The following MAST4 variants were observed in gnomAD, a reference collection of about 807,000 sequenced individuals.
MAST4 encodes the protein microtubule-associated serine/threonine-protein kinase 4.
Under a neutral mutation model 162.7 loss-of-function variants are expected in MAST4, and 89 were observed. The observed-to-expected ratio is 0.55, with a 90% CI of 0.46 to 0.65. The LOEUF (loss-of-function observed/expected upper bound fraction) is 0.65, where lower values mean the gene tolerates loss of function less well. MAST4 is among the 30% of genes least tolerant of loss of function. The probability of loss-of-function intolerance (pLI) is 0.00; values close to 1 mark genes in which losing one functional copy is unlikely to be tolerated. For missense variants in MAST4, 3,153 were observed against 3,374.0 expected, an observed-to-expected ratio of 0.93 and a Z score of 1.62; for synonymous variants, 1,479 against 1,361.1, an observed-to-expected ratio of 1.09 and a Z score of -1.91.
At chr5:66,700,796 T>C (rs546367551) in intron 1 of MAST4, among the ~76,000 whole-genome samples, 4,229 of 116,778 alleles carry the variant, frequency 0.036, 210 homozygotes, top group African/African-American at 0.13. Flanking sequence ...TATATATATA[T>C]ATATACACAC....
At chr5:66,848,183 CAA>C (rs757796660) in intron 3 of MAST4, among the ~76,000 whole-genome samples, 38 of 152,140 alleles carry the variant, frequency 2.5e-4, no homozygotes, top group Non-Finnish European at 4.9e-4. Context: ...ATTTTGGTGT[CAA>C]AGTAAATTTA....
rs183506598 is a variant in MAST4, at chr5:67,039,620, G to A, written c.675-14784G>A. On this transcript the variant is annotated intron_variant, in intron 4 of 28. Coordinates refer to ENST00000403625, the MANE Select transcript of MAST4 (RefSeq NM_001164664.2). Reference sequence around the variant, plus strand: ...CTGGACCTGTGAGAAACAAGTGTTCGTACCTATAAGAGGCAGGCAGGAGAT... The same window carrying A: ...CTGGACCTGTGAGAAACAAGTGTTCATACCTATAAGAGGCAGGCAGGAGAT... Among the ~76,000 whole-genome samples the A allele has an allele frequency of 2.0e-4, 31 of 152,272 alleles. 1 individual carries two copies. Among genetic ancestry groups the A allele is most frequent in the African/African-American group, 6.0e-4 (25 of 41,568 alleles).
At chr5:67,080,282 A>G (rs1012153147) in intron 5 of MAST4, among the ~76,000 whole-genome samples, 1 of 152,206 alleles carries the variant, frequency 6.6e-6, no homozygotes, top group Non-Finnish European at 1.5e-5. Context: ...TGTGCCTTTT[A>G]TGTACCTACT....
chr5:66,982,747 T>G (rs1186905994), intron 4 of MAST4, among the ~76,000 whole-genome samples: 1 of 152,214 alleles, frequency 6.6e-6, no homozygotes, highest in African/African-American at 2.4e-5. Context: ...CTTTCCCTCC[T>G]GTAGGAACTG....
chr5:66,753,056 G>A (rs1201672701), intron 1 of MAST4, among the ~76,000 whole-genome samples: 2 of 150,592 alleles, frequency 1.3e-5, no homozygotes, highest in African/African-American at 2.4e-5. Context: ...TGACTACTGG[G>A]TACATAACGA....
intron 3 of MAST4, among the ~76,000 whole-genome samples, chr5:66,802,832 C>T (rs1188861088): frequency 6.6e-6 from 1 of 152,158 alleles, no homozygotes; most frequent in Non-Finnish European, 1.5e-5. Flanking sequence ...AAGAGCACTT[C>T]TTCCTGACCC....
chr5:66,666,540 C>T (rs555904033), intron 1 of MAST4, among the ~76,000 whole-genome samples: 38 of 152,310 alleles, frequency 2.5e-4, no homozygotes, highest in African/African-American at 8.9e-4. Flanking sequence ...GCCTTTGGGA[C>T]AGTTGTTATC....
chr5:67,108,889 A>T, intron 10 of MAST4, among the ~76,000 whole-genome samples: 1 of 152,256 alleles, frequency 6.6e-6, no homozygotes, highest in East Asian at 1.9e-4. Context: ...TTGTGAAATT[A>T]TATTGTACCA....
At chr5:67,067,852 A>C (rs918450730) in intron 5 of MAST4, among the ~76,000 whole-genome samples, 1 of 152,190 alleles carries the variant, frequency 6.6e-6, no homozygotes, top group Non-Finnish European at 1.5e-5. Context: ...CCTTTGCTTC[A>C]TTCAACCAGA....
chr5:67,131,253 T>C (rs150166238), intron 15 of MAST4, among the ~76,000 whole-genome samples: 16 of 152,338 alleles, frequency 1.1e-4, no homozygotes, highest in Admixed American at 1.0e-3. Context: ...TTAACCTTTG[T>C]TGTGGTTATC....
At chr5:66,854,087 C>T (rs1267968701) in intron 3 of MAST4, among the ~76,000 whole-genome samples, 2 of 152,094 alleles carry the variant, frequency 1.3e-5, no homozygotes, top group Admixed American at 1.3e-4. Flanking sequence ...GGTGTCTCCT[C>T]ATATTGCCCA....
At chr5:67,043,472 G>A (rs1757006002) in intron 4 of MAST4, among the ~76,000 whole-genome samples, 1 of 152,186 alleles carries the variant, frequency 6.6e-6, no homozygotes. Context: ...CAAAAAGGAA[G>A]ATTGGAACAT....
chr5:67,127,810 A>G (rs1249938016), intron 14 of MAST4, among the ~76,000 whole-genome samples: 3 of 152,218 alleles, frequency 2.0e-5, no homozygotes, highest in Non-Finnish European at 2.9e-5. Context: ...AAGAACTAGT[A>G]GTTGGTTGTT....
At position 67,165,367 on chromosome 5, in the gene MAST4, C is replaced by T; in HGVS notation, c.6188C>T (p.Ser2063Leu). 2 of 1,613,770 alleles carry T rather than the reference C, an allele frequency of 1.2e-6. No individual in the cohort carries two copies. The highest frequency in any genetic ancestry group is 1.7e-6 in the Non-Finnish European group (2 of 1,179,870). Residue 2063 changes from serine (S) to leucine (L), a missense_variant, in exon 29 of 29, where the codon TCA becomes TTA. Ser to Leu is a moderately radical substitution (Grantham distance 145, BLOSUM62 -2). Transcript: ENST00000403625. ...CCCAGAGACAACTCCTCTCTGCACT[C>T]AGCTGGAATTCCCTGTGAGAAGGAG... ...PPPRDNSSLHSAGIPCEKELG... is the reference protein window; with the variant it reads ...PPPRDNSSLHLAGIPCEKELG...
chr5:66,640,875 C>G (rs1745449259), intron 1 of MAST4, among the ~76,000 whole-genome samples: 2 of 152,150 alleles, frequency 1.3e-5, no homozygotes, highest in African/African-American at 4.8e-5. Context: ...TTTCCCTACA[C>G]CCTCTTGAGC....
chr5:67,110,265 G>C (rs1273048025), intron 11 of MAST4, 66 bp downstream of exon 11: 2 of 1,192,568 alleles, frequency 1.7e-6, no homozygotes, highest in Admixed American at 3.4e-5. Flanking sequence ...CCATCAGAAA[G>C]CTCCTTCATT....
In MAST4 at chr5:67,079,797, A is replaced by G. The variant is rs186635677; in HGVS notation, c.764-10365A>G. Among the ~76,000 whole-genome samples, 468 of 152,142 alleles carry G rather than the reference A, an allele frequency of 3.1e-3. 7 individuals carry two copies. The highest frequency in any genetic ancestry group is 5.0e-4 in the Non-Finnish European group (34 of 67,996). ...GGTTGCCCCTGCAAAGCTATCCATT[A>G]TTTTCTCTGAATTCACATCTTCCTT... On this transcript the variant is annotated intron_variant, in intron 5 of 28. Coordinates refer to ENST00000403625, the MANE Select transcript of MAST4 (RefSeq NM_001164664.2).
At chr5:67,064,232 GGAGACT>G (rs1375453825) in intron 5 of MAST4, among the ~76,000 whole-genome samples, 6 of 152,150 alleles carry the variant, frequency 3.9e-5, no homozygotes, top group Admixed American at 3.9e-4. Flanking sequence ...ATGGCCAGCA[GGAGACT>G]GAGAAGCAGA....
At chr5:66,716,386 T>G (rs1195299437) in intron 1 of MAST4, among the ~76,000 whole-genome samples, 1 of 152,148 alleles carries the variant, frequency 6.6e-6, no homozygotes, top group African/African-American at 2.4e-5. Context: ...GGGGTCTTAC[T>G]CGGTTGCCCA....
Sources: allele counts gnomAD v4.1 joint callset (sites outside exome capture counted in the v4.1 genomes callset), GRCh38; gene constraint gnomAD v4.1.1; transcripts MANE v1.5; gene names NCBI Gene and HGNC (gene_info 2026-07-23, HGNC 2026-07-21).